The following GFPT2 variants were observed in gnomAD, a reference collection of about 807,000 sequenced individuals.
The protein encoded by GFPT2 is glutamine--fructose-6-phosphate aminotransferase [isomerizing] 2.
A neutral mutation model predicts 85.6 loss-of-function variants in GFPT2; 62 were observed. That is an observed-to-expected ratio of 0.72 (90% CI 0.59 to 0.90). GFPT2 has a LOEUF of 0.90. Among genes scored for constraint, GFPT2 ranks in the 40% least tolerant of loss-of-function variants. The probability of loss-of-function intolerance (pLI) is 0.00; values close to 1 mark genes in which losing one functional copy is unlikely to be tolerated. For synonymous variants in GFPT2, 368 were observed against 344.5 expected, an observed-to-expected ratio of 1.07 and a Z score of -0.75; for missense variants, 788 against 893.4, an observed-to-expected ratio of 0.88 and a Z score of 1.50.
intron 7 of GFPT2, among the ~76,000 whole-genome samples, chr5:180,327,776 T>A (rs73813210): frequency 6.6e-6 from 1 of 152,242 alleles, no homozygotes; most frequent in South Asian, 2.1e-4. Context: ...GAGGGACACA[T>A]TGGGGCAAGC....
chr5:180,323,381 C>T lies in GFPT2; in HGVS notation c.794+807G>A, dbSNP rs76102554. Among the ~76,000 whole-genome samples, 1 of 152,064 alleles carries T rather than the reference C, an allele frequency of 6.6e-6. No homozygotes were observed. The highest frequency in any genetic ancestry group is 1.5e-5 in the Non-Finnish European group (1 of 68,008). ...CTGGTGTCCTCCCTGCCTCACAGCACGGCCCTATTAGAGGCTGGTCGGGAA... is the reference window on the plus strand; with the variant it reads ...CTGGTGTCCTCCCTGCCTCACAGCATGGCCCTATTAGAGGCTGGTCGGGAA... On this transcript the variant is annotated intron_variant, in intron 9 of 18. Transcript: ENST00000253778. This position sits in a 1 kb window ranked among gnomAD's most constrained non-coding sequence, Gnocchi z 4.0.
At chr5:180,320,235 G>A (rs111951817) in intron 9 of GFPT2, among the ~76,000 whole-genome samples, 133 of 151,906 alleles carry the variant, frequency 8.8e-4, no homozygotes, top group Non-Finnish European at 1.5e-3. Context: ...CTCGTGATCC[G>A]CCCGCCTCGG....
intron 1 of GFPT2, among the ~76,000 whole-genome samples, chr5:180,342,495 G>A (rs1305238381): frequency 7.1e-6 from 1 of 139,942 alleles, no homozygotes; most frequent in Non-Finnish European, 1.5e-5. Flanking sequence ...CTGCAACCTC[G>A]AACTCCCAGG....
rs547597112 is a variant in GFPT2, at chr5:180,307,520, T to C, written c.1547-217A>G. 9.8e-5 allele frequency among the ~76,000 whole-genome samples: 15 copies of C among 152,342 alleles called. 1 individual carries two copies. In the South Asian group the frequency reaches 3.1e-3, roughly 32 times the overall value. On this transcript the variant is annotated intron_variant, in intron 15 of 18. Transcript: ENST00000253778. Reference sequence around the variant, plus strand: ...GGGGATTCGTGTTGTGTGAACACTTTCTTGAGCACCAACAAGGTAGGAAGT... The same window carrying C: ...GGGGATTCGTGTTGTGTGAACACTTCCTTGAGCACCAACAAGGTAGGAAGT...
Position 180,324,280 on chromosome 5 carries a change from G to A in GFPT2, c.702C>T (p.Ile234=), listed in dbSNP as rs755284117. The A allele has an allele frequency of 1.2e-6, 2 of 1,606,626 alleles. No homozygotes were observed. The highest frequency in any genetic ancestry group is 8.5e-7 in the Non-Finnish European group (1 of 1,174,630). ...RTCTLENVKN[I]CKTRMKRLDS... ...CCAGCCTCTTCATCCGTGTCTTACA[G>A]ATATTCTTCACATTCTCCAGAGTGC... The change falls in exon 9 of 19, where the codon ATC becomes ATT. Residue 234 remains isoleucine (I), a synonymous_variant. Coordinates refer to ENST00000253778, the MANE Select transcript of GFPT2 (RefSeq NM_005110.4).
chr5:180,302,792 C>T (rs1227576532), intron 17 of GFPT2, among the ~76,000 whole-genome samples: 1 of 152,170 alleles, frequency 6.6e-6, no homozygotes. Context: ...TTCCCCTTCC[C>T]TGGTAAGGAG....
At chr5:180,309,643 C>T (rs991701835) in intron 15 of GFPT2, among the ~76,000 whole-genome samples, 15 of 152,162 alleles carry the variant, frequency 9.9e-5, no homozygotes, top group Non-Finnish European at 2.1e-4. Flanking sequence ...AACTCCTGAC[C>T]TCAGGTGATC....
intron 1 of GFPT2, among the ~76,000 whole-genome samples, chr5:180,339,343 G>C (rs1214007901): frequency 1.5e-5 from 2 of 133,494 alleles, no homozygotes; most frequent in Admixed American, 8.6e-5. Context: ...TCGTGCCACA[G>C]CACTCCAGCC....
At chr5:180,341,454 A>C (rs1311479664) in intron 1 of GFPT2, among the ~76,000 whole-genome samples, 1 of 152,240 alleles carries the variant, frequency 6.6e-6, no homozygotes, top group Non-Finnish European at 1.5e-5. Flanking sequence ...ATTCCTAAAC[A>C]GTGAGTGGGG....
intron 7 of GFPT2, among the ~76,000 whole-genome samples, chr5:180,325,851 C>T (rs941357932): frequency 6.6e-6 from 1 of 152,136 alleles, no homozygotes; most frequent in Admixed American, 6.5e-5. Flanking sequence ...ATGGCGGAAC[C>T]CTGTCTCTAC....
chr5:180,301,404 G>C lies in GFPT2; in HGVS notation c.*160C>G, dbSNP rs1763669413. On this transcript the variant is annotated 3_prime_UTR_variant, in exon 19 of 19. Coordinates refer to ENST00000253778, the MANE Select transcript of GFPT2 (RefSeq NM_005110.4). ...CACAGAGAAACAGTATCTGCTGTAA[G>C]CAAAAGCACTTGGGTAGAAGGCACG... The C allele has an allele frequency of 2.9e-6, 2 of 681,758 alleles. No individual in the cohort carries two copies. Among genetic ancestry groups the C allele is most frequent in the South Asian group, 1.8e-5 (1 of 56,850 alleles). 42.2% of individuals were successfully genotyped at this position (681,758 alleles called of 1,614,324 possible). A position where few individuals can be genotyped will look rare whatever the true frequency, so the allele number is the denominator to read the frequency against.
In GFPT2 at chr5:180,330,597, G is replaced by T; in HGVS notation, c.534+103C>A. The stretch of plus-strand genomic sequence containing the variant: ...ACTCTGTGCAAGTTTGTCTAACAAG[G>T]GCTTATAAAAAATGAAGGATTCCTT... On this transcript the variant is annotated intron_variant, in intron 6 of 18. Coordinates refer to ENST00000253778, the MANE Select transcript of GFPT2 (RefSeq NM_005110.4). The surrounding 1 kb of genome is among the most constrained non-coding windows in gnomAD (Gnocchi z 4.4). The T allele has an allele frequency of 4.3e-6, 4 of 929,848 alleles. No homozygotes were observed. The highest frequency in any genetic ancestry group is 5.1e-6 in the Non-Finnish European group (3 of 591,616). The allele number at this position is 929,848 out of a possible 1,614,324, so 57.6% of individuals were successfully genotyped here.
At chr5:180,331,448 A>C in intron 5 of GFPT2, 47 bp downstream of exon 5, 1 of 1,116,166 alleles carries the variant, frequency 9.0e-7, no homozygotes, top group Non-Finnish European at 1.4e-6. Context: ...GTTTCTGGGG[A>C]GACCAATCCC....
At chr5:180,307,327 G>C (rs749874923) in intron 15 of GFPT2, 24 bp from the exon 16 acceptor site, 1 of 1,612,732 alleles carries the variant, frequency 6.2e-7, no homozygotes, top group Admixed American at 1.7e-5. Flanking sequence ...GGAGCAGAGG[G>C]AGAAAACCAG....
chr5:180,307,231 G>C lies in GFPT2; in HGVS notation c.1619C>G (p.Ser540Trp), dbSNP rs745678250. 4 of 1,612,908 alleles carry C rather than the reference G, an allele frequency of 2.5e-6. No individual in the cohort carries two copies. Among genetic ancestry groups the C allele is most frequent in the Non-Finnish European group, 3.4e-6 (4 of 1,179,494 alleles). ...DLALELYTQR[S>W]LLVMGRGYNY... ...GTAGCCCCGCCCCATCACCAGCAGC[G>C]ATCTCTGCGTGTAGAGCTCCAGGGC... Residue 540 changes from serine (S) to tryptophan (W), a missense_variant, in exon 16 of 19, where the codon TCG becomes TGG. Transcript: ENST00000253778.
chr5:180,349,617 A>T (rs1375911284), intron 1 of GFPT2, among the ~76,000 whole-genome samples: 2 of 152,100 alleles, frequency 1.3e-5, no homozygotes, highest in Non-Finnish European at 2.9e-5. Context: ...GAGGCCGGCG[A>T]CAGATTCTCC....
Position 180,338,498 on chromosome 5 carries a change from G to A in GFPT2, c.110C>T (p.Ser37Leu), listed in dbSNP as rs1457966707. Reference sequence around the variant, plus strand: ...GCGGGCGGCCGCACACCCACCTGCCGAGTCGTAGCCTCTGTACTCCAGCCG... The same window carrying A: ...GCGGGCGGCCGCACACCCACCTGCCAAGTCGTAGCCTCTGTACTCCAGCCG... ...LQRLEYRGYDSAGVAIDGNNH... is the reference protein window; with the variant it reads ...LQRLEYRGYDLAGVAIDGNNH... The change falls in exon 2 of 19, where the codon TCG becomes TTG. Residue 37 changes from serine to leucine, a missense_variant. Physicochemically the swap from Ser to Leu is moderately radical, Grantham distance 145. Transcript: ENST00000253778. The A allele has an allele frequency of 5.0e-6, 8 of 1,592,408 alleles. No homozygotes were observed. Among genetic ancestry groups the A allele is most frequent in the South Asian group, 1.1e-5 (1 of 90,384 alleles).
At chr5:180,349,575 G>C (rs1764671257) in intron 1 of GFPT2, among the ~76,000 whole-genome samples, 1 of 152,108 alleles carries the variant, frequency 6.6e-6, no homozygotes. Flanking sequence ...ACAGCCACAA[G>C]CCAAGGAACG....
At chr5:180,336,726 G>A (rs1292254653) in intron 2 of GFPT2, 149 bp from the exon 3 acceptor site, 1 of 687,132 alleles carries the variant, frequency 1.5e-6, no homozygotes, top group Non-Finnish European at 2.6e-6. Flanking sequence ...AATCTGCTCT[G>A]AAAGAGGCTG....
Sources: allele counts gnomAD v4.1 joint callset (sites outside exome capture counted in the v4.1 genomes callset), GRCh38; gene constraint gnomAD v4.1.1; non-coding constraint Gnocchi (gnomAD v3.1); transcripts MANE v1.5; gene names NCBI Gene and HGNC (gene_info 2026-07-23, HGNC 2026-07-21).